The following EML5 variants were observed in gnomAD, a reference collection of about 807,000 sequenced individuals.
The protein encoded by EML5 is echinoderm microtubule-associated protein-like 5.
Under a neutral mutation model 250.0 loss-of-function variants are expected in EML5, and 120 were observed. The observed-to-expected ratio is 0.48, with a 90% confidence interval of 0.41 to 0.56. The LOEUF (loss-of-function observed/expected upper bound fraction) is 0.56. EML5 is among the 20% of genes least tolerant of loss of function. The probability of loss-of-function intolerance (pLI) is 0.00; values close to 1 mark genes in which losing one functional copy is unlikely to be tolerated. For synonymous variants in EML5, 771 were observed against 806.5 expected (o/e 0.96, Z 0.75); for missense variants, 2,006 against 2,437.6 (o/e 0.82, Z 3.73).
intron 1 of EML5, among the ~76,000 whole-genome samples, chr14:88,770,588 T>G (rs1409507302): frequency 6.6e-6 from 1 of 152,146 alleles, no homozygotes; most frequent in East Asian, 1.9e-4. Context: ...AGGAGCTGAA[T>G]GTATTGCTTT....
chr14:88,658,289 T>C lies in EML5; in HGVS notation c.3775A>G (p.Thr1259Ala), dbSNP rs754384094. Reference sequence around the variant, plus strand: ...GTCCACACCATTAAAGACATATCTGTACCGCCTAGGGTAACCAACATGCTG... The same window carrying C: ...GTCCACACCATTAAAGACATATCTGCACCGCCTAGGGTAACCAACATGCTG... The part of the protein sequence containing the change: ...DDSMLVTLGG[T>A]DMSLMVWTNE... Residue 1259 changes from threonine to alanine, a missense_variant, in exon 26 of 44, where the codon ACA becomes GCA. Thr to Ala is a moderately conservative substitution (Grantham distance 58, BLOSUM62 0). This residue lies in a region of EML5 where 1,375 missense variants were observed against 1,590.3 expected (regional missense o/e 0.86). Coordinates refer to ENST00000554922, the MANE Select transcript of EML5 (RefSeq NM_183387.3). 1.2e-6 allele frequency: 2 copies of C among 1,613,786 alleles called. No homozygotes were observed. The highest frequency in any genetic ancestry group is 2.7e-5 in the African/African-American group (2 of 74,932).
At chr14:88,696,093 T>C (rs1020031354) in intron 15 of EML5, among the ~76,000 whole-genome samples, 46 of 151,948 alleles carry the variant, frequency 3.0e-4, no homozygotes, top group Non-Finnish European at 5.4e-4. Flanking sequence ...ACTGCTCCAG[T>C]GGTATTTTTC....
At chr14:88,705,758 G>C in intron 11 of EML5, 170 bp from the exon 12 acceptor site, 2 of 678,530 alleles carry the variant, frequency 2.9e-6, no homozygotes, top group Non-Finnish European at 5.3e-6. Flanking sequence ...CTGTACTACA[G>C]ATTATCTTCC....
intron 2 of EML5, among the ~76,000 whole-genome samples, chr14:88,753,518 G>T (rs2094124943): frequency 6.6e-6 from 1 of 152,086 alleles, no homozygotes; most frequent in East Asian, 1.9e-4. Flanking sequence ...AATTTAAAAT[G>T]ATTTTAAAGT....
chr14:88,779,115 C>G (rs1013227551), intron 1 of EML5, among the ~76,000 whole-genome samples: 1 of 152,172 alleles, frequency 6.6e-6, no homozygotes, highest in African/African-American at 2.4e-5. Context: ...CCACAAAGAA[C>G]AGAACCCTTA....
intron 20 of EML5, among the ~76,000 whole-genome samples, chr14:88,683,450 G>C (rs1297525886): frequency 1.3e-5 from 2 of 152,320 alleles, no homozygotes; most frequent in East Asian, 3.9e-4. Flanking sequence ...GTCAGGGAAA[G>C]AGACAAAGAT....
intron 40 of EML5, 85 bp downstream of exon 40, chr14:88,618,565 G>A: frequency 6.9e-7 from 1 of 1,453,042 alleles, no homozygotes. Flanking sequence ...GAGCTCTGGA[G>A]CTCAGGAACT....
rs76453019 is a variant in EML5, at chr14:88,783,129, C to T, written c.197+9178G>A. Among the ~76,000 whole-genome samples, 20 of 152,262 alleles carry T rather than the reference C, an allele frequency of 1.3e-4. No individual in the cohort carries two copies. The East Asian group carries it at 3.9e-3, about 29-fold the overall frequency. On this transcript the variant is annotated intron_variant, in intron 1 of 43. Coordinates refer to ENST00000554922, the MANE Select transcript of EML5 (RefSeq NM_183387.3). ...AAAGAAAGAAAAGAAAATGCCTGGA[C>T]GTCCAGGTAGAGGTATGTTGCAGGG...
chr14:88,783,272 A>T (rs1185440523), intron 1 of EML5, among the ~76,000 whole-genome samples: 2 of 152,214 alleles, frequency 1.3e-5, no homozygotes, highest in African/African-American at 4.8e-5. Context: ...GGCACTGCCT[A>T]GTAGAGCTGT....
At chr14:88,650,433 G>A (rs754723942) in intron 27 of EML5, among the ~76,000 whole-genome samples, 21 of 151,960 alleles carry the variant, frequency 1.4e-4, no homozygotes, top group Non-Finnish European at 2.6e-4. Flanking sequence ...CAGCCTGGGC[G>A]ACACAGCAAG....
chr14:88,672,966 G>A (rs548723185), intron 21 of EML5, among the ~76,000 whole-genome samples: 2 of 152,182 alleles, frequency 1.3e-5, no homozygotes, highest in South Asian at 4.1e-4. Flanking sequence ...GTACAAAGAG[G>A]AGCTGGTACC....
At chr14:88,748,955 T>C (rs2094049334) in intron 2 of EML5, among the ~76,000 whole-genome samples, 1 of 149,860 alleles carries the variant, frequency 6.7e-6, no homozygotes, top group South Asian at 2.1e-4. Flanking sequence ...TGGTCTAACA[T>C]ACAGGTAATC....
chr14:88,652,910 T>C (rs1440685146), intron 27 of EML5, among the ~76,000 whole-genome samples: 2 of 152,206 alleles, frequency 1.3e-5, no homozygotes, highest in Non-Finnish European at 2.9e-5. Context: ...TTTCACGATA[T>C]TGATTTTTTC....
At chr14:88,752,930 G>A (rs2094117119) in intron 2 of EML5, among the ~76,000 whole-genome samples, 1 of 152,114 alleles carries the variant, frequency 6.6e-6, no homozygotes, top group Non-Finnish European at 1.5e-5. Flanking sequence ...ACCACTTAGA[G>A]CCACTTCCAT....
At chr14:88,773,210 A>G (rs1046974008) in intron 1 of EML5, among the ~76,000 whole-genome samples, 2 of 152,212 alleles carry the variant, frequency 1.3e-5, no homozygotes, top group Non-Finnish European at 2.9e-5. Flanking sequence ...ACCTCACTTG[A>G]TATCATACAG....
chr14:88,747,806 G>C (rs929541552), intron 2 of EML5, among the ~76,000 whole-genome samples: 1 of 152,118 alleles, frequency 6.6e-6, no homozygotes, highest in African/African-American at 2.4e-5. Context: ...CAGTGAGACC[G>C]AAAGTATGAG....
At chr14:88,748,130 G>C (rs1268864080) in intron 2 of EML5, among the ~76,000 whole-genome samples, 3 of 152,086 alleles carry the variant, frequency 2.0e-5, no homozygotes, top group Non-Finnish European at 4.4e-5. Flanking sequence ...GGAGTTCAGA[G>C]AGGACAAGAT....
At chr14:88,645,638 TTGC>T (rs1438025811) in intron 29 of EML5, among the ~76,000 whole-genome samples, 1 of 152,212 alleles carries the variant, frequency 6.6e-6, no homozygotes, top group Non-Finnish European at 1.5e-5. Context: ...CCTTCTCTAC[TTGC>T]TGAAGTCCCT....
chr14:88,732,226 T>C (rs1452119338), intron 7 of EML5, among the ~76,000 whole-genome samples: 1 of 152,220 alleles, frequency 6.6e-6, no homozygotes, highest in Admixed American at 6.5e-5. Context: ...TTAATCCATC[T>C]TGAATTAATT....
Sources: gnomAD v4.1 joint callset for allele counts (sites outside exome capture counted in the v4.1 genomes callset) on GRCh38, gnomAD v4.1.1 for gene constraint, gnomAD v4.1.1 regional missense constraint, MANE v1.5 for transcripts, NCBI Gene and HGNC (gene_info 2026-07-23, HGNC 2026-07-21) for gene names.